The following PDE1A variants were observed in gnomAD, a reference collection of about 807,000 sequenced individuals.
PDE1A encodes phosphodiesterase 1A.
A neutral mutation model predicts 61.7 loss-of-function variants in PDE1A; 35 were observed. The observed-to-expected ratio is 0.57, with a 90% CI of 0.43 to 0.75. The LOEUF is 0.75. PDE1A is among the 30% of genes least tolerant of loss of function. PDE1A has a pLI of 0.00. For missense variants in PDE1A, 597 were observed against 630.6 expected (o/e 0.95, Z 0.57); for synonymous variants, 232 against 213.2 (o/e 1.09, Z -0.77).
At chr2:182,379,469 T>G (rs1700602396) in intron 1 of PDE1A, among the ~76,000 whole-genome samples, 1 of 152,192 alleles carries the variant, frequency 6.6e-6, no homozygotes, top group Non-Finnish European at 1.5e-5. Flanking sequence ...ACTCAGAAAC[T>G]ACAGAATCCC....
chr2:182,470,917 T>G (rs1472377752), intron 2 of PDE1A, among the ~76,000 whole-genome samples: 1 of 151,844 alleles, frequency 6.6e-6, no homozygotes, highest in Non-Finnish European at 1.5e-5. Context: ...GATATAGCAA[T>G]TTGTTTTTCA....
At chr2:182,386,839 G>T (rs894014024) in intron 1 of PDE1A, among the ~76,000 whole-genome samples, 1 of 151,722 alleles carries the variant, frequency 6.6e-6, no homozygotes, top group East Asian at 2.0e-4. Flanking sequence ...CGTCTGGGAG[G>T]TGGGGGGCGC....
chr2:182,638,772 C>G, the PDE1A span, among the ~76,000 whole-genome samples: 2 of 152,166 alleles, frequency 1.3e-5, no homozygotes, highest in African/African-American at 4.8e-5. Flanking sequence ...GACAAGCCAG[C>G]CTAGCGCTTC....
intron 2 of PDE1A, among the ~76,000 whole-genome samples, chr2:182,445,531 G>T (rs1027785609): frequency 6.6e-6 from 1 of 152,068 alleles, no homozygotes; most frequent in African/African-American, 2.4e-5. Flanking sequence ...TGATCTGGGA[G>T]TTGAAAGGAA....
At chr2:182,359,094 A>G (rs1033110430) in intron 1 of PDE1A, among the ~76,000 whole-genome samples, 4 of 152,000 alleles carry the variant, frequency 2.6e-5, no homozygotes, top group Non-Finnish European at 5.9e-5. Context: ...TGTTTCTTGA[A>G]CAAGTTAACA....
intron 10 of PDE1A, among the ~76,000 whole-genome samples, chr2:182,198,676 T>C (rs2067650532): frequency 6.6e-6 from 1 of 151,884 alleles, no homozygotes; most frequent in African/African-American, 2.4e-5. Flanking sequence ...AGTTATGATA[T>C]GATATGCACT....
At chr2:182,551,254 AGAAGATGGATCACTGTT>A in the PDE1A span, among the ~76,000 whole-genome samples, 1 of 152,162 alleles carries the variant, frequency 6.6e-6, no homozygotes, top group South Asian at 2.1e-4. Flanking sequence ...GTGGCAGGGT[AGAAGATGGATCACTGTT>A]GAAGAGTCAA....
chr2:182,418,490 T>A (rs971701237), intron 1 of PDE1A, among the ~76,000 whole-genome samples: 5 of 152,136 alleles, frequency 3.3e-5, no homozygotes, highest in Non-Finnish European at 5.9e-5. Flanking sequence ...TCATATATAT[T>A]TTTTTCCTGT....
intron 13 of PDE1A, among the ~76,000 whole-genome samples, chr2:182,172,099 C>A (rs1332094678): frequency 6.6e-6 from 1 of 151,992 alleles, no homozygotes; most frequent in African/African-American, 2.4e-5. Flanking sequence ...TTAGTTTGCC[C>A]TTTTGTGATT....
rs187467956 is a variant in PDE1A at position 182,149,660 on chromosome 2, G to A, written c.1517-2508C>T. Among the ~76,000 whole-genome samples, 16 of 152,236 alleles carry A rather than the reference G, an allele frequency of 1.1e-4. No individual in the cohort carries two copies. In the East Asian group the frequency reaches 2.9e-3, roughly 28 times the overall value. On this transcript the variant is annotated intron_variant, in intron 13 of 13. Transcript: ENST00000409365. The stretch of plus-strand genomic sequence containing the variant: ...TTAACTTGGGCAGTACTGCTTGTTA[G>A]TGACCCTTAGTACTTCATAAAAAAA...
the PDE1A span, among the ~76,000 whole-genome samples, chr2:182,543,681 T>C: frequency 1.3e-5 from 2 of 152,144 alleles, no homozygotes; most frequent in East Asian, 3.8e-4. Context: ...AACAGTTCTT[T>C]TAGAAATTTT....
At chr2:182,193,610 T>G (rs1685893364) in intron 10 of PDE1A, among the ~76,000 whole-genome samples, 2 of 152,250 alleles carry the variant, frequency 1.3e-5, no homozygotes, top group Admixed American at 1.3e-4. Context: ...CCTTCTTTAC[T>G]TCTACAAATG....
intron 1 of PDE1A, among the ~76,000 whole-genome samples, chr2:182,383,617 A>G (rs972212196): frequency 4.6e-5 from 7 of 152,216 alleles, no homozygotes; most frequent in Non-Finnish European, 2.9e-5. Flanking sequence ...ATGGCAGAGT[A>G]TGGCCCTCCA....
intron 7 of PDE1A, among the ~76,000 whole-genome samples, chr2:182,223,526 A>G (rs1342528256): frequency 6.6e-6 from 1 of 152,018 alleles, no homozygotes; most frequent in East Asian, 1.9e-4. Context: ...ATGACACCAA[A>G]CCAGTACCTT....
chr2:182,328,312 C>G (rs931433697), intron 1 of PDE1A, among the ~76,000 whole-genome samples: 2 of 152,108 alleles, frequency 1.3e-5, no homozygotes, highest in Admixed American at 1.3e-4. Flanking sequence ...TTCAATGACA[C>G]CACCAAAGTG....
the PDE1A span, among the ~76,000 whole-genome samples, chr2:182,632,358 T>G: frequency 1.3e-5 from 2 of 152,190 alleles, no homozygotes; most frequent in Non-Finnish European, 2.9e-5. Flanking sequence ...CTATGTAAGA[T>G]TTAGCATCCA....
chr2:182,180,230 A>G (rs1005504108), intron 13 of PDE1A, among the ~76,000 whole-genome samples: 1 of 152,204 alleles, frequency 6.6e-6, no homozygotes, highest in Non-Finnish European at 1.5e-5. Flanking sequence ...ATATAAATGA[A>G]TTATAGATAC....
chr2:182,458,457 T>C (rs566278845), intron 2 of PDE1A, among the ~76,000 whole-genome samples: 1 of 152,154 alleles, frequency 6.6e-6, no homozygotes, highest in African/African-American at 2.4e-5. Flanking sequence ...AAATCAGTAA[T>C]AGGTCAGGTA....
intron 7 of PDE1A, among the ~76,000 whole-genome samples, chr2:182,212,464 G>T (rs547924064): frequency 3.2e-4 from 48 of 152,286 alleles, no homozygotes; most frequent in African/African-American, 1.1e-3. Flanking sequence ...CAGCGTGAGC[G>T]ACGCAGAAGA....
Sources: allele counts gnomAD v4.1 joint callset (sites outside exome capture counted in the v4.1 genomes callset), GRCh38; gene constraint gnomAD v4.1.1; transcripts MANE v1.5; gene names NCBI Gene and HGNC (gene_info 2026-07-23, HGNC 2026-07-21).